Variants in CDH18 observed in about 807,000 individuals in gnomAD.
CDH18 encodes the protein cadherin-18.
CDH18 carries 31 observed loss-of-function variants against 67.9 expected under a neutral mutation model. That is an observed-to-expected ratio of 0.46 (90% CI 0.34 to 0.62). The LOEUF (loss-of-function observed/expected upper bound fraction) is 0.62, where lower values mean the gene tolerates loss of function less well. Among genes scored for constraint, CDH18 ranks in the 20% least tolerant of loss-of-function variants. The pLI is 0.01. For synonymous variants in CDH18, 362 were observed against 347.2 expected (o/e 1.04, Z -0.48); for missense variants, 890 against 975.5 (o/e 0.91, Z 1.17).
At chr5:20,353,281 G>A (rs1053320121) in intron 1 of CDH18, among the ~76,000 whole-genome samples, 2 of 152,088 alleles carry the variant, frequency 1.3e-5, no homozygotes, top group African/African-American at 4.8e-5. Context: ...CAATATTCCA[G>A]TTTGCATACA....
chr5:19,811,156 AAGAAGGAG>A lies in CDH18; in HGVS notation c.228+27595_228+27602del, dbSNP rs1293500985. On this transcript the variant is annotated intron_variant, in intron 3 of 12. Transcript: ENST00000382275. Reference sequence around the variant, plus strand: ...AAAGAAAGAAAGAAAGAAAGAAAGAAAGAAGGAGAGAAAGAAAGAGAAGAAAGAGGGAG... The same window carrying A: ...AAAGAAAGAAAGAAAGAAAGAAAGAAAGAAAGAAAGAGAAGAAAGAGGGAG... 3.1e-3 allele frequency among the ~76,000 whole-genome samples: 68 copies of A among 22,222 alleles called. 4 individuals carry two copies. The highest frequency in any genetic ancestry group is 0.013 in the African/African-American group (54 of 4,204). The allele number at this position is 22,222 out of a possible 152,430, so 14.6% of individuals were successfully genotyped here. A position where few individuals can be genotyped will look rare whatever the true frequency, so the allele number is the denominator to read the frequency against.
At chr5:20,379,399 G>A (rs1000770330) in intron 1 of CDH18, among the ~76,000 whole-genome samples, 5 of 152,082 alleles carry the variant, frequency 3.3e-5, no homozygotes, top group African/African-American at 7.2e-5. Flanking sequence ...AGTTTCTCCT[G>A]AGCAGGTATC....
intron 2 of CDH18, among the ~76,000 whole-genome samples, chr5:20,009,891 T>C (rs890480845): frequency 6.6e-6 from 1 of 152,176 alleles, no homozygotes; most frequent in Non-Finnish European, 1.5e-5. Context: ...TAAAATATAA[T>C]GAATGTGCTA....
chr5:20,190,890 C>A (rs1561863896), intron 2 of CDH18, among the ~76,000 whole-genome samples: 1 of 152,050 alleles, frequency 6.6e-6, no homozygotes, highest in Non-Finnish European at 1.5e-5. Context: ...GTATAATAAT[C>A]CTTTATGATC....
At chr5:19,663,749 T>C (rs1374857900) in intron 5 of CDH18, among the ~76,000 whole-genome samples, 3 of 151,972 alleles carry the variant, frequency 2.0e-5, no homozygotes, top group Non-Finnish European at 2.9e-5. Flanking sequence ...GTACATATTT[T>C]TCATTTAAAT....
At chr5:20,498,774 G>A (rs1309637217) in intron 1 of CDH18, among the ~76,000 whole-genome samples, 10 of 151,832 alleles carry the variant, frequency 6.6e-5, no homozygotes, top group Admixed American at 3.3e-4. Context: ...AATAATACGT[G>A]TCTTATTTAA....
intron 5 of CDH18, 124 bp from the exon 6 acceptor site, chr5:19,612,725 T>G (rs1057380438): frequency 1.4e-6 from 1 of 725,446 alleles, no homozygotes; most frequent in Admixed American, 2.8e-5. Flanking sequence ...AAGTCACACG[T>G]CTGAGAAAAA....
At chr5:19,965,897 A>G (rs562213960) in intron 2 of CDH18, among the ~76,000 whole-genome samples, 4 of 152,278 alleles carry the variant, frequency 2.6e-5, no homozygotes, top group Admixed American at 2.6e-4. Flanking sequence ...TCCCAGCGAC[A>G]CTTACATGAC....
Position 20,262,353 on chromosome 5 carries a change from T to C in CDH18, c.-579-6848A>G, listed in dbSNP as rs528427330. On this transcript the variant is annotated intron_variant, in intron 1 of 14. Coordinates refer to the CDH18 transcript ENST00000507958. ...ACTAGGTCAGTCCTCTTCAATATGT[T>C]TTCACAATGTTGGAAGGGACTTGAT... Among the ~76,000 whole-genome samples, 162 of 152,338 alleles carry C rather than the reference T, an allele frequency of 1.1e-3. 2 individuals are homozygous for C. The highest frequency in any genetic ancestry group is 3.8e-3 in the African/African-American group (159 of 41,592).
At chr5:19,635,205 G>A (rs1187574431) in intron 5 of CDH18, among the ~76,000 whole-genome samples, 1 of 152,082 alleles carries the variant, frequency 6.6e-6, no homozygotes, top group African/African-American at 2.4e-5. Context: ...TTTTTCAATA[G>A]AAAGAATATG....
intron 5 of CDH18, among the ~76,000 whole-genome samples, chr5:19,707,547 G>C (rs2084261): frequency 6.6e-6 from 1 of 152,238 alleles, no homozygotes; most frequent in East Asian, 1.9e-4. Context: ...CTCACCCACA[G>C]GAGGAAGGAA....
At chr5:20,285,651 G>A (rs1282955390) in intron 1 of CDH18, among the ~76,000 whole-genome samples, 1 of 151,322 alleles carries the variant, frequency 6.6e-6, no homozygotes, top group Admixed American at 6.6e-5. Context: ...GCCCCCTTTT[G>A]TGGAGGCCAG....
At chr5:19,597,645 T>C (rs988156192) in intron 6 of CDH18, among the ~76,000 whole-genome samples, 6 of 152,156 alleles carry the variant, frequency 3.9e-5, no homozygotes, top group African/African-American at 1.4e-4. Context: ...AACACACACG[T>C]ATGCTGTCAA....
At chr5:20,336,260 G>A (rs1255825841) in intron 1 of CDH18, among the ~76,000 whole-genome samples, 1 of 152,064 alleles carries the variant, frequency 6.6e-6, no homozygotes, top group Non-Finnish European at 1.5e-5. Context: ...CAGCAGTTAG[G>A]ATCACCACTC....
chr5:20,453,855 G>A (rs1750651630), intron 1 of CDH18, among the ~76,000 whole-genome samples: 1 of 151,982 alleles, frequency 6.6e-6, no homozygotes, highest in South Asian at 2.1e-4. Flanking sequence ...ATAGCAATTG[G>A]AAAGATTTAA....
intron 2 of CDH18, among the ~76,000 whole-genome samples, chr5:19,931,507 T>A: frequency 6.6e-6 from 1 of 151,996 alleles, no homozygotes; most frequent in South Asian, 2.1e-4. Flanking sequence ...CTAATAAAAA[T>A]TTTTCTGCTA....
intron 1 of CDH18, among the ~76,000 whole-genome samples, chr5:20,493,379 A>AAAAAAAAAAAAAAAAAAAT (rs1753707198): frequency 1.8e-5 from 1 of 56,760 alleles, no homozygotes; most frequent in Non-Finnish European, 4.0e-5. Context: ...AAAAAAAAAA[A>AAAAAAAAAAAAAAAAAAAT]AAAAAAGCAA....
intron 3 of CDH18, among the ~76,000 whole-genome samples, chr5:19,833,895 T>C (rs114836228): frequency 7.6e-6 from 1 of 131,604 alleles, no homozygotes; most frequent in Non-Finnish European, 1.7e-5. Flanking sequence ...TGAGTAAGTT[T>C]TTTGATGTGC....
intron 5 of CDH18, among the ~76,000 whole-genome samples, chr5:19,653,906 T>A (rs1755942555): frequency 6.6e-6 from 1 of 152,188 alleles, no homozygotes; most frequent in African/African-American, 2.4e-5. Context: ...GGCACTATGC[T>A]GCCACTTCTC....
Sources: allele counts gnomAD v4.1 joint callset (sites outside exome capture counted in the v4.1 genomes callset), GRCh38; gene constraint gnomAD v4.1.1; transcripts MANE v1.5; gene names NCBI Gene and HGNC (gene_info 2026-07-23, HGNC 2026-07-21).